PARD6G: variants seen among roughly 807,000 people sequenced by gnomAD.
PARD6G encodes par-6 family cell polarity regulator gamma, also known as partitioning defective 6 homolog gamma.
PARD6G carries 7 observed loss-of-function variants against 10.7 expected under a neutral mutation model. The observed-to-expected ratio is 0.66, with a 90% CI of 0.37 to 1.23. The LOEUF is 1.23. PARD6G is among the 50% of genes most tolerant of loss of function. The pLI, the probability that PARD6G is intolerant of heterozygous loss-of-function variation, is 0.02. For missense variants in PARD6G, 548 were observed against 571.8 expected, an observed-to-expected ratio of 0.96 and a Z score of 0.42; for synonymous variants, 287 against 269.4, an observed-to-expected ratio of 1.07 and a Z score of -0.64.
At chr18:80,177,179 A>ACATACG (rs2052815397) in intron 2 of PARD6G, among the ~76,000 whole-genome samples, 1 of 141,830 alleles carries the variant, frequency 7.1e-6, no homozygotes, top group Non-Finnish European at 1.5e-5. Context: ...ACACACATAC[A>ACATACG]CACACACCAC....
chr18:80,159,595 G>T lies in PARD6G; in HGVS notation c.*176C>A. On this transcript the variant is annotated 3_prime_UTR_variant, in exon 3 of 3. Coordinates refer to ENST00000353265, the MANE Select transcript of PARD6G (RefSeq NM_032510.4). Reference sequence around the variant, plus strand: ...TACAGGCGTTCATTTTAAGTTCTGTGGCGAAATTCTATAAAAATAGGCAAT... The same window carrying T: ...TACAGGCGTTCATTTTAAGTTCTGTTGCGAAATTCTATAAAAATAGGCAAT... 1 of 1,083,676 alleles carries T rather than the reference G, an allele frequency of 9.2e-7. No homozygotes were observed. The highest frequency in any genetic ancestry group is 1.2e-6 in the Non-Finnish European group (1 of 837,366). The allele number at this position is 1,083,676 out of a possible 1,614,324, so 67.1% of individuals were successfully genotyped here.
Position 80,230,896 on chromosome 18 carries a change from A to G in PARD6G, c.72+16381T>C, listed in dbSNP as rs149796111. On this transcript the variant is annotated intron_variant, in intron 1 of 2. Transcript: ENST00000353265. ...ACCCTAGGGAGGTGTCACTGTTCCC[A>G]CTTTACAAACCAGGAGACTGAAACC... 8.5e-5 allele frequency among the ~76,000 whole-genome samples: 13 copies of G among 152,298 alleles called. No homozygotes were observed. In the East Asian group the frequency reaches 2.5e-3, roughly 29 times the overall value.
In PARD6G at chr18:80,228,247, G is replaced by A. The variant is rs62101593; in HGVS notation, c.72+19030C>T. Among the ~76,000 whole-genome samples, 13,738 of 152,048 alleles carry A rather than the reference G, an allele frequency of 0.09. 801 individuals carry two copies. Among genetic ancestry groups the A allele is most frequent in the Non-Finnish European group, 0.13 (8,812 of 67,894 alleles). On this transcript the variant is annotated intron_variant, in intron 1 of 2. Transcript: ENST00000353265. The surrounding 1 kb of genome is among the most constrained non-coding windows in gnomAD (Gnocchi z 4.6). ...CCCACGGGGGAGACGGCAGCGAGCA[G>A]AGAGACCCCAAGTGAAAACTGCGGA...
Position 80,228,543 on chromosome 18 carries a change from G to A in PARD6G, c.72+18734C>T, listed in dbSNP as rs1384534927. Among the ~76,000 whole-genome samples, 1 of 149,024 alleles carries A rather than the reference G, an allele frequency of 6.7e-6. No homozygotes were observed. The highest frequency in any genetic ancestry group is 2.0e-4 in the East Asian group (1 of 4,970). On this transcript the variant is annotated intron_variant, in intron 1 of 2. Coordinates refer to ENST00000353265, the MANE Select transcript of PARD6G (RefSeq NM_032510.4). This position sits in a 1 kb window ranked among gnomAD's most constrained non-coding sequence, Gnocchi z 4.6. ...GTGCGCAGACTGTCTCTCGTCTAAG[G>A]TCCCAGACACCACAGGGTCTTGGCC... is the stretch of plus-strand genomic sequence containing the variant.
chr18:80,210,170 C>G (rs1225409495), intron 1 of PARD6G, among the ~76,000 whole-genome samples: 2 of 152,160 alleles, frequency 1.3e-5, no homozygotes, highest in East Asian at 1.9e-4. Context: ...GGAAGCACGA[C>G]AGGAAAGATG....
At chr18:80,164,215 A>G (rs1335770611) in intron 2 of PARD6G, among the ~76,000 whole-genome samples, 1 of 152,162 alleles carries the variant, frequency 6.6e-6, no homozygotes, top group Non-Finnish European at 1.5e-5. Flanking sequence ...AGAGAGACTA[A>G]GCAGGGAGTG....
At chr18:80,214,343 G>A (rs1181226341) in intron 1 of PARD6G, among the ~76,000 whole-genome samples, 1 of 152,030 alleles carries the variant, frequency 6.6e-6, no homozygotes, top group African/African-American at 2.4e-5. Flanking sequence ...GTGAGCGCCT[G>A]TAGTCTCAGC....
intron 1 of PARD6G, among the ~76,000 whole-genome samples, chr18:80,243,292 T>A (rs934608699): frequency 2.6e-5 from 4 of 152,086 alleles, no homozygotes; most frequent in Non-Finnish European, 4.4e-5. Flanking sequence ...ATTACTGACA[T>A]GAAAAAACAC....
chr18:80,177,545 C>T lies in PARD6G; in HGVS notation c.296-16939G>A, dbSNP rs937218208. Among the ~76,000 whole-genome samples the T allele has an allele frequency of 7.4e-5, 11 of 149,294 alleles. No individual in the cohort carries two copies. In the South Asian group the frequency reaches 2.3e-3, roughly 32 times the overall value. On this transcript the variant is annotated intron_variant, in intron 2 of 2. Transcript: ENST00000353265. ...GTGCACACACATGCACGCGGGCACA[C>T]ACACACAGGATAAATCACAGCCCAA...
chr18:80,176,003 G>A (rs1294432355), intron 2 of PARD6G: 1 of 167,412 alleles, frequency 6.0e-6, no homozygotes, highest in African/African-American at 2.4e-5. Flanking sequence ...CTGAGGAGGT[G>A]GCTTCCAAAA....
At position 80,160,066 on chromosome 18, in the gene PARD6G, G is replaced by A. The variant is rs1599839299; in HGVS notation, c.836C>T (p.Pro279Leu). 6.4e-7 allele frequency: 1 copy of A among 1,567,284 alleles called. No homozygotes were observed. The highest frequency in any genetic ancestry group is 8.6e-7 in the Non-Finnish European group (1 of 1,160,168). ...PSDGTAGFVG[P>L]PAPRVLQNFH... The stretch of plus-strand genomic sequence containing the variant: ...GTTCTGCAGGACGCGCGGGGCGGGG[G>A]GACCCACGAAGCCCGCGGTGCCGTC... The change falls in exon 3 of 3, where the codon CCC becomes CTC. Residue 279 changes from proline to leucine, a missense_variant. Coordinates refer to ENST00000353265, the MANE Select transcript of PARD6G (RefSeq NM_032510.4).
chr18:80,197,090 A>G (rs955751001), intron 2 of PARD6G, among the ~76,000 whole-genome samples: 5 of 152,134 alleles, frequency 3.3e-5, no homozygotes, highest in African/African-American at 1.2e-4. Context: ...CCTGCCCCCA[A>G]GAAACAAAAC....
rs547506573 is a variant in PARD6G, at chr18:80,231,330, T to C, written c.72+15947A>G. Reference sequence around the variant, plus strand: ...AGACTTTCCTGAAAGGTAAATTCACTTAGGCAGAAGCCTCGAACTCCAGCC... The same window carrying C: ...AGACTTTCCTGAAAGGTAAATTCACCTAGGCAGAAGCCTCGAACTCCAGCC... On this transcript the variant is annotated intron_variant, in intron 1 of 2. Coordinates refer to ENST00000353265, the MANE Select transcript of PARD6G (RefSeq NM_032510.4). The surrounding 1 kb of genome is among the most constrained non-coding windows in gnomAD (Gnocchi z 4.2). Among the ~76,000 whole-genome samples the C allele has an allele frequency of 1.6e-4, 24 of 152,330 alleles. No individual in the cohort carries two copies. In the South Asian group the frequency reaches 4.6e-3, roughly 29 times the overall value.
In PARD6G at chr18:80,182,779, C is replaced by G. The variant is rs913082513; in HGVS notation, c.295+19931G>C. ...TGTCAGGTGCATCCACGGGGCTTAT[C>G]AAAGCTCTGTTTTATTCTTTTAAAA... On this transcript the variant is annotated intron_variant, in intron 2 of 2. Transcript: ENST00000353265. The surrounding 1 kb of genome is among the most constrained non-coding windows in gnomAD (Gnocchi z 4.5). The G allele has an allele frequency of 2.8e-5, 7 of 250,380 alleles. No homozygotes were observed. The highest frequency in any genetic ancestry group is 4.6e-5 in the Non-Finnish European group (6 of 131,444). 15.5% of individuals were successfully genotyped at this position (250,380 alleles called of 1,614,324 possible). A position where few individuals can be genotyped will look rare whatever the true frequency, so the allele number is the denominator to read the frequency against.
chr18:80,178,558 C>G (rs1015423434), intron 2 of PARD6G: 5 of 152,452 alleles, frequency 3.3e-5, no homozygotes, highest in African/African-American at 1.2e-4. Context: ...GCCTGGCTTT[C>G]TGATCATTTT....
chr18:80,170,572 G>C (rs950094434), intron 2 of PARD6G: 2 of 152,294 alleles, frequency 1.3e-5, no homozygotes, highest in Non-Finnish European at 2.9e-5. Context: ...TGTGTGCACT[G>C]CAACAGGCAG....
At chr18:80,242,314 A>G (rs1052431155) in intron 1 of PARD6G, among the ~76,000 whole-genome samples, 1 of 152,264 alleles carries the variant, frequency 6.6e-6, no homozygotes, top group East Asian at 1.9e-4. Flanking sequence ...AACCATGTCC[A>G]GGCAATTCTT....
chr18:80,224,593 A>G (rs1012296917), intron 1 of PARD6G, among the ~76,000 whole-genome samples: 1 of 152,352 alleles, frequency 6.6e-6, no homozygotes, highest in South Asian at 2.1e-4. Flanking sequence ...CACGCCTGTA[A>G]TCCCAGCACT....
chr18:80,172,006 A>T (rs912844246), intron 2 of PARD6G, among the ~76,000 whole-genome samples: 2 of 152,240 alleles, frequency 1.3e-5, no homozygotes, highest in Admixed American at 1.3e-4. Context: ...CTTTCCAGAG[A>T]CGCAGAACCA....
Sources: allele counts gnomAD v4.1 joint callset (sites outside exome capture counted in the v4.1 genomes callset), GRCh38; gene constraint gnomAD v4.1.1; non-coding constraint Gnocchi (gnomAD v3.1); transcripts MANE v1.5; gene names NCBI Gene and HGNC (gene_info 2026-07-23, HGNC 2026-07-21).